Variants in RABL3 observed in about 807,000 individuals in gnomAD.
RABL3 encodes the protein RAB, member of RAS oncogene family like 3.
RABL3 carries 31 observed loss-of-function variants against 31.8 expected under a neutral mutation model. The observed-to-expected ratio is 0.97, with a 90% CI of 0.73 to 1.31. The LOEUF is 1.31. Among genes scored for constraint, RABL3 ranks in the 40% most tolerant of loss-of-function variants. RABL3 has a pLI of 0.00. For missense variants in RABL3, 263 were observed against 279.6 expected (o/e 0.94, Z 0.42); for synonymous variants, 97 against 99.9 (o/e 0.97, Z 0.18).
At chr3:120,690,521 A>G (rs776316705) in intron 6 of RABL3, 34 bp from the exon 7 acceptor site, 3 of 1,544,290 alleles carry the variant, frequency 1.9e-6, no homozygotes, top group East Asian at 4.5e-5. Context: ...GGCTTAGCAC[A>G]CATACCTGCA....
upstream of RABL3, chr3:120,742,586 T>G (rs910346649): frequency 2.2e-6 from 3 of 1,380,032 alleles, no homozygotes; most frequent in African/African-American, 4.3e-5. Context: ...GGCAGAGCCT[T>G]CAATTTCATT....
At chr3:120,740,059 G>A (rs1709022797) in intron 1 of RABL3, among the ~76,000 whole-genome samples, 1 of 152,116 alleles carries the variant, frequency 6.6e-6, no homozygotes, top group African/African-American at 2.4e-5. Context: ...TCAAAAGAAT[G>A]CACTTGATTT....
At chr3:120,736,484 T>C (rs1339374928) in intron 1 of RABL3, among the ~76,000 whole-genome samples, 7 of 151,970 alleles carry the variant, frequency 4.6e-5, no homozygotes. Flanking sequence ...TGATGGGTCT[T>C]GACAATTTGC....
rs765808538 is a variant in RABL3, at chr3:120,730,807, T to A, written c.47-20A>T. 2.6e-6 allele frequency: 4 copies of A among 1,513,326 alleles called. No homozygotes were observed. The highest frequency in any genetic ancestry group is 3.7e-6 in the Non-Finnish European group (4 of 1,088,670). 93.7% of individuals were successfully genotyped at this position (1,513,326 alleles called of 1,614,324 possible). On this transcript the variant is annotated intron_variant, in intron 1 of 7. Coordinates refer to ENST00000273375, the MANE Select transcript of RABL3 (RefSeq NM_173825.5). ...CAACACCTGTAAGAGATACAAGAAC[T>A]CTAGTCACATAAGAGACAAGGCTGA...
chr3:120,686,606 A>C lies in RABL3; in HGVS notation c.*3217T>G, dbSNP rs1274340472. The C allele has an allele frequency of 6.6e-6, 1 of 152,202 alleles. No individual in the cohort carries two copies. Among genetic ancestry groups the C allele is most frequent in the Non-Finnish European group, 1.5e-5 (1 of 68,040 alleles). The allele number at this position is 152,202 out of a possible 1,614,324, so 9.4% of individuals were successfully genotyped here. On this transcript the variant is annotated 3_prime_UTR_variant, in exon 8 of 8. Coordinates refer to ENST00000273375, the MANE Select transcript of RABL3 (RefSeq NM_173825.5). ...TTTTGGGAATAGCTTTTCTTAGAGC[A>C]CTGTAGCGGAGAAGAGCTTTCTTTC...
chr3:120,732,487 G>A (rs1216300647), intron 1 of RABL3, among the ~76,000 whole-genome samples: 1 of 152,034 alleles, frequency 6.6e-6, no homozygotes, highest in Non-Finnish European at 1.5e-5. Context: ...TTAAAAAAAT[G>A]ATGCCATCTG....
chr3:120,728,224 T>C (rs1708844579), intron 2 of RABL3, among the ~76,000 whole-genome samples: 1 of 152,172 alleles, frequency 6.6e-6, no homozygotes, highest in Non-Finnish European at 1.5e-5. Flanking sequence ...CAACTTCACA[T>C]TGTAAAGGAC....
chr3:120,693,825 T>C (rs772518258), intron 6 of RABL3, among the ~76,000 whole-genome samples: 2 of 152,146 alleles, frequency 1.3e-5, no homozygotes, highest in Non-Finnish European at 2.9e-5. Flanking sequence ...TCAGTGCCTT[T>C]ATGGGGGTGG....
intron 1 of RABL3, among the ~76,000 whole-genome samples, chr3:120,734,552 T>C (rs1227481752): frequency 2.0e-5 from 3 of 152,216 alleles, no homozygotes; most frequent in Admixed American, 6.5e-5. Context: ...TCCTGCCTGA[T>C]TGCCCTGGCC....
At chr3:120,706,156 C>T in intron 3 of RABL3, 42 bp from the exon 4 acceptor site, 1 of 1,279,338 alleles carries the variant, frequency 7.8e-7, no homozygotes, top group Non-Finnish European at 1.1e-6. Flanking sequence ...CTTAACAATT[C>T]CTCTTCATTT....
At position 120,730,680 on chromosome 3, in the gene RABL3, T is replaced by C. The variant is rs747132821; in HGVS notation, c.138+16A>G. ...TTAGTACATTATTGAAAAACTAAAA[T>C]ATAAAAGACACATACTCTGACATCC... On this transcript the variant is annotated intron_variant, in intron 2 of 7. Transcript: ENST00000273375. 1 of 1,571,610 alleles carries C rather than the reference T, an allele frequency of 6.4e-7. No individual in the cohort carries two copies. The highest frequency in any genetic ancestry group is 8.7e-7 in the Non-Finnish European group (1 of 1,148,758).
chr3:120,715,192 A>C (rs1708654086), intron 2 of RABL3, among the ~76,000 whole-genome samples: 1 of 152,130 alleles, frequency 6.6e-6, no homozygotes, highest in Admixed American at 6.5e-5. Context: ...AACTACTATA[A>C]CACTTGTTTT....
intron 2 of RABL3, among the ~76,000 whole-genome samples, chr3:120,717,867 G>A (rs1291595255): frequency 2.6e-5 from 4 of 152,180 alleles, no homozygotes; most frequent in African/African-American, 9.7e-5. Flanking sequence ...CCTGCTCTCT[G>A]GGACTTTGCA....
Position 120,717,561 on chromosome 3 carries a change from C to T in RABL3, c.139-7652G>A, listed in dbSNP as rs368439497. Among the ~76,000 whole-genome samples the T allele has an allele frequency of 8.5e-4, 130 of 152,184 alleles. 1 individual carries two copies. Among genetic ancestry groups the T allele is most frequent in the African/African-American group, 2.9e-3 (119 of 41,514 alleles). Reference sequence around the variant, plus strand: ...TCAAGTCACTGCAACCTCCGCATCCCGGGTTCAAGCCATTTTCCTACCTCA... The same window carrying T: ...TCAAGTCACTGCAACCTCCGCATCCTGGGTTCAAGCCATTTTCCTACCTCA... On this transcript the variant is annotated intron_variant, in intron 2 of 7. Transcript: ENST00000273375.
chr3:120,686,404 A>T lies in RABL3; in HGVS notation c.*3419T>A, dbSNP rs1222680627. Among the ~76,000 whole-genome samples, 1 of 152,176 alleles carries T rather than the reference A, an allele frequency of 6.6e-6. No homozygotes were observed. Among genetic ancestry groups the T allele is most frequent in the Non-Finnish European group, 1.5e-5 (1 of 68,034 alleles). On this transcript the variant is annotated 3_prime_UTR_variant, in exon 8 of 8. Coordinates refer to ENST00000273375, the MANE Select transcript of RABL3 (RefSeq NM_173825.5). ...TTGAAATGAGGACTCAGAAACTCTG[A>T]TTACAAGGAGCAATTAGGAGCTCTT...
chr3:120,713,904 T>C (rs1006134327), intron 2 of RABL3, among the ~76,000 whole-genome samples: 3 of 148,296 alleles, frequency 2.0e-5, no homozygotes, highest in Non-Finnish European at 4.4e-5. Context: ...TCCGCCTCCC[T>C]GGGTTCAGCG....
At position 120,687,095 on chromosome 3, in the gene RABL3, A is replaced by T. The variant is rs1708317503; in HGVS notation, c.*2728T>A. On this transcript the variant is annotated 3_prime_UTR_variant, in exon 8 of 8. Coordinates refer to ENST00000273375, the MANE Select transcript of RABL3 (RefSeq NM_173825.5). ...CTGAATCCCATCAACGTTAAGATGG[A>T]GAGACCAGCCCAAATCTTTAGTTGG... 6.6e-6 allele frequency: 1 copy of T among 152,322 alleles called. No homozygotes were observed. Among genetic ancestry groups the T allele is most frequent in the Middle Eastern group, 3.4e-3 (1 of 294 alleles). 9.4% of individuals were successfully genotyped at this position (152,322 alleles called of 1,614,324 possible). A position where few individuals can be genotyped will look rare whatever the true frequency, so the allele number is the denominator to read the frequency against.
intron 2 of RABL3, among the ~76,000 whole-genome samples, chr3:120,717,111 C>G (rs1312671217): frequency 6.6e-6 from 1 of 151,916 alleles, no homozygotes; most frequent in Non-Finnish European, 1.5e-5. Flanking sequence ...AAAAATTTAG[C>G]CAGGCGTGGT....
chr3:120,726,727 G>A (rs752862223), intron 2 of RABL3, among the ~76,000 whole-genome samples: 20 of 152,062 alleles, frequency 1.3e-4, no homozygotes, highest in Non-Finnish European at 2.8e-4. Context: ...CGGAGCAACA[G>A]AGTGGGACTC....
Sources: gnomAD v4.1 joint callset for allele counts (sites outside exome capture counted in the v4.1 genomes callset) on GRCh38, gnomAD v4.1.1 for gene constraint, MANE v1.5 for transcripts, NCBI Gene and HGNC (gene_info 2026-07-23, HGNC 2026-07-21) for gene names.